FERMT1: variants seen among roughly 807,000 people sequenced by gnomAD.
FERMT1 encodes FERM domain containing kindlin 1, also known as fermitin family homolog 1.
A neutral mutation model predicts 85.3 loss-of-function variants in FERMT1; 60 were observed. The ratio of observed to expected loss-of-function variants is 0.70; its 90% CI spans 0.57 to 0.87. The LOEUF (loss-of-function observed/expected upper bound fraction) is 0.87. FERMT1 is among the 40% of genes least tolerant of loss of function. The pLI is 0.00. For missense variants in FERMT1, 701 were observed against 818.9 expected (o/e 0.86, Z 1.76); for synonymous variants, 275 against 301.1 (o/e 0.91, Z 0.90).
chr20:6,100,433 C>G lies in FERMT1; in HGVS notation c.850-2802G>C, dbSNP rs186620432. Reference sequence around the variant, plus strand: ...GACAGAAAACAGACTGATGATTACTCAGGGCTGGGAGGGTAGGAGGGAACT... The same window carrying G: ...GACAGAAAACAGACTGATGATTACTGAGGGCTGGGAGGGTAGGAGGGAACT... On this transcript the variant is annotated intron_variant, in intron 6 of 14. Coordinates refer to ENST00000217289, the MANE Select transcript of FERMT1 (RefSeq NM_017671.5). 4.5e-4 allele frequency among the ~76,000 whole-genome samples: 68 copies of G among 151,958 alleles called. 1 individual carries two copies. The highest frequency in any genetic ancestry group is 1.3e-3 in the African/African-American group (55 of 41,460).
chr20:6,089,711 A>G lies in FERMT1; in HGVS notation c.1140-622T>C, dbSNP rs187300781. Among the ~76,000 whole-genome samples the G allele has an allele frequency of 3.0e-4, 45 of 152,356 alleles. 1 individual carries two copies. The East Asian group carries it at 4.6e-3, about 16-fold the overall frequency. ...ATGGAAATCAGCGATATCTACAGCT[A>G]GTCAATATAGACTCTACTGTTATTA... On this transcript the variant is annotated intron_variant, in intron 9 of 14. Coordinates refer to ENST00000217289, the MANE Select transcript of FERMT1 (RefSeq NM_017671.5).
chr20:6,086,573 T>C (rs1209528862), intron 11 of FERMT1, among the ~76,000 whole-genome samples: 1 of 152,132 alleles, frequency 6.6e-6, no homozygotes, highest in Non-Finnish European at 1.5e-5. Flanking sequence ...TGGCTCTGTG[T>C]CCCCACCCAA....
chr20:6,087,612 G>A (rs778487374), intron 11 of FERMT1, 165 bp downstream of exon 11: 58 of 675,466 alleles, frequency 8.6e-5, no homozygotes, highest in Non-Finnish European at 1.4e-4. Context: ...CATGGCAAAT[G>A]TTTATTGTTA....
Position 6,097,567 on chromosome 20 carries a change from A to T in FERMT1, c.914T>A (p.Ile305Asn). 2 of 1,614,062 alleles carry T rather than the reference A, an allele frequency of 1.2e-6. No individual in the cohort carries two copies. Among genetic ancestry groups the T allele is most frequent in the Non-Finnish European group, 1.7e-6 (2 of 1,179,986 alleles). ...CAACATTTCTTCCTCTGTGCAATCA[A>T]TTTCTTCTAAGAGAATGGCCCACCT... Reference protein sequence around the residue: ...QARWAILLEEIDCTEEEMLIF... With the variant: ...QARWAILLEENDCTEEEMLIF... The change falls in exon 7 of 15, where the codon ATT becomes AAT. Residue 305 changes from isoleucine to asparagine, a missense_variant. Transcript: ENST00000217289.
chr20:6,108,461 C>T (rs1351737925), intron 5 of FERMT1, among the ~76,000 whole-genome samples: 5 of 152,112 alleles, frequency 3.3e-5, no homozygotes, highest in Non-Finnish European at 7.4e-5. Flanking sequence ...TTCTTATTAT[C>T]TCAGCTTTGT....
chr20:6,110,343 A>G lies in FERMT1; in HGVS notation c.701T>C (p.Met234Thr). 1.2e-6 allele frequency: 2 copies of G among 1,613,704 alleles called. No homozygotes were observed. Among genetic ancestry groups the G allele is most frequent in the Non-Finnish European group, 1.7e-6 (2 of 1,179,886 alleles). The change falls in exon 5 of 15, where the codon ATG becomes ACG. Residue 234 changes from methionine to threonine, a missense_variant. By Grantham distance (81) the Met-to-Thr change is moderately conservative. Coordinates refer to ENST00000217289, the MANE Select transcript of FERMT1 (RefSeq NM_017671.5). ...ATCAACCAGAGACCGAGGCTGGTAC[A>G]TATCCGCAAGTGCTTCTGGGGACTG... ...PPQSPEALAD[M>T]YQPRSLVDKA...
chr20:6,110,841 G>T (rs1369131941), intron 4 of FERMT1, among the ~76,000 whole-genome samples: 1 of 152,158 alleles, frequency 6.6e-6, no homozygotes, highest in Non-Finnish European at 1.5e-5. Context: ...CACAGGTAAT[G>T]GTCTTATCTG....
chr20:6,113,242 T>G (rs4256018), intron 3 of FERMT1, among the ~76,000 whole-genome samples: 46,749 of 152,050 alleles, frequency 0.31, 7,555 homozygotes, highest in East Asian at 0.54. Context: ...CTTGCCTTCC[T>G]CCATGATTGT....
chr20:6,121,823 G>A lies in FERMT1; in HGVS notation c.-19+951C>T, dbSNP rs1983283695. Among the ~76,000 whole-genome samples the A allele has an allele frequency of 3.3e-5, 5 of 152,164 alleles. No individual in the cohort carries two copies. In the South Asian group the frequency reaches 1.0e-3, roughly 31 times the overall value. ...TTTGATAATGTTGCAATGCCAAAAT[G>A]AAAGAAAACTCCTCAAACTACGTGA... On this transcript the variant is annotated intron_variant, in intron 1 of 14. Coordinates refer to ENST00000217289, the MANE Select transcript of FERMT1 (RefSeq NM_017671.5).
intron 3 of FERMT1, among the ~76,000 whole-genome samples, chr20:6,113,174 C>T (rs1983007092): frequency 6.6e-6 from 1 of 152,050 alleles, no homozygotes; most frequent in African/African-American, 2.4e-5. Context: ...TAGGGTGTTT[C>T]CCCGCACAAG....
chr20:6,115,419 C>A (rs1022665668), intron 3 of FERMT1, among the ~76,000 whole-genome samples: 1 of 152,142 alleles, frequency 6.6e-6, no homozygotes, highest in Non-Finnish European at 1.5e-5. Flanking sequence ...CTTTGGAACA[C>A]CATTATCTCA....
intron 14 of FERMT1, 24 bp from the exon 15 acceptor site, chr20:6,077,370 G>A (rs754861919): frequency 1.2e-6 from 2 of 1,613,254 alleles, no homozygotes; most frequent in Non-Finnish European, 1.7e-6. Flanking sequence ...GCACAGAGAA[G>A]CTTAAACTCT....
chr20:6,089,167 A>T (rs746392391), intron 9 of FERMT1, 78 bp from the exon 10 acceptor site: 112 of 1,419,990 alleles, frequency 7.9e-5, no homozygotes, highest in Non-Finnish European at 1.1e-4. Flanking sequence ...AGCAGATCAG[A>T]TCAGATGTTT....
In FERMT1 at chr20:6,115,794, C is replaced by A; in HGVS notation, c.385+17G>T. ...GCAAGAGTCTACAGGGCACAGGGGC[C>A]TTTCCTGGGTACTTACTCAGGATTT... On this transcript the variant is annotated intron_variant, in intron 3 of 14. Transcript: ENST00000217289. The A allele has an allele frequency of 6.3e-7, 1 of 1,589,420 alleles. No individual in the cohort carries two copies. Among genetic ancestry groups the A allele is most frequent in the Non-Finnish European group, 8.6e-7 (1 of 1,157,468 alleles).
rs147620065 is a variant in FERMT1 at position 6,076,169 on chromosome 20, C to T, written c.*1004G>A. 64 of 268,626 alleles carry T rather than the reference C, an allele frequency of 2.4e-4. No homozygotes were observed. The highest frequency in any genetic ancestry group is 1.3e-3 in the Admixed American group (28 of 21,782). 16.6% of individuals were successfully genotyped at this position (268,626 alleles called of 1,614,324 possible). On this transcript the variant is annotated 3_prime_UTR_variant, in exon 15 of 15. Coordinates refer to ENST00000217289, the MANE Select transcript of FERMT1 (RefSeq NM_017671.5). ...AGGGACGCTTCCCCATGACCCAGAC[C>T]AGCCTAAAGCCCCTGTGGGGGCAGC... is the stretch of plus-strand genomic sequence containing the variant.
chr20:6,121,936 A>T (rs1983287704), intron 1 of FERMT1, among the ~76,000 whole-genome samples: 1 of 152,176 alleles, frequency 6.6e-6, no homozygotes, highest in Non-Finnish European at 1.5e-5. Context: ...TCATCGTCAA[A>T]CTCATAACTT....
chr20:6,099,404 G>GAAA (rs200572377), intron 6 of FERMT1, among the ~76,000 whole-genome samples: 2,028 of 111,700 alleles, frequency 0.018, 56 homozygotes, highest in African/African-American at 0.065. Context: ...AGACTGTCTC[G>GAAA]AAAAAAAAAA....
intron 11 of FERMT1, chr20:6,087,556 C>T (rs565882223): frequency 7.7e-6 from 4 of 522,010 alleles, no homozygotes; most frequent in Admixed American, 4.7e-5. Flanking sequence ...GGTGATCTGC[C>T]CACCTTGGCC....
chr20:6,110,493 C>T lies in FERMT1; in HGVS notation c.551G>A (p.Ser184Asn), dbSNP rs1982917909. Residue 184 changes from serine to asparagine, a missense_variant, in exon 5 of 15, where the codon AGT (serine) becomes AAT (asparagine). By Grantham distance (46) the Ser-to-Asn change is conservative. Transcript: ENST00000217289. Reference protein sequence around the residue: ...SGSSVSPGLYSKTMTPIYDPI... With the variant: ...SGSSVSPGLYNKTMTPIYDPI... ...GTCATATATAGGGGTCATGGTTTTA[C>T]TGTATAAACCAGGACTTACTGCAAG... is the stretch of plus-strand genomic sequence containing the variant. The T allele has an allele frequency of 1.9e-6, 3 of 1,613,908 alleles. No individual in the cohort carries two copies. Among genetic ancestry groups the T allele is most frequent in the African/African-American group, 1.3e-5 (1 of 75,032 alleles).
Sources: allele counts gnomAD v4.1 joint callset (sites outside exome capture counted in the v4.1 genomes callset), GRCh38; gene constraint gnomAD v4.1.1; transcripts MANE v1.5; gene names NCBI Gene and HGNC (gene_info 2026-07-23, HGNC 2026-07-21).